Variants in NBPF12 observed in about 807,000 individuals in gnomAD.
The protein encoded by NBPF12 is NBPF family member NBPF12.
Under a neutral mutation model 146.4 loss-of-function variants are expected in NBPF12, and 115 were observed. That is an observed-to-expected ratio of 0.79 (90% confidence interval 0.68 to 0.92). The LOEUF (loss-of-function observed/expected upper bound fraction) is 0.92, where lower values mean the gene tolerates loss of function less well. Among genes scored for constraint, NBPF12 ranks in the 40% least tolerant of loss-of-function variants. The pLI is 0.00. For missense variants in NBPF12, 1,205 were observed against 1,326.8 expected (o/e 0.91, Z 1.43); for synonymous variants, 385 against 508.9 (o/e 0.76, Z 3.28).
chr1:146,943,880 A>C (rs1452816861), intron 2 of NBPF12, among the ~76,000 whole-genome samples: 5 of 127,098 alleles, frequency 3.9e-5, no homozygotes, highest in Admixed American at 8.1e-5. Flanking sequence ...CTCTGCCCCC[A>C]TTTCTGTCTC....
intron 2 of NBPF12, among the ~76,000 whole-genome samples, chr1:146,959,290 C>T (rs1655733449): frequency 1.9e-5 from 1 of 51,904 alleles, no homozygotes; most frequent in African/African-American, 8.4e-5. Context: ...CTGGCTAACA[C>T]AGTGAAACCC....
exon 13 of NBPF12, chr1:146,971,220 G>C: frequency 6.2e-7 from 1 of 1,611,888 alleles, no homozygotes; most frequent in Non-Finnish European, 8.5e-7. Context: ...AGTCCCTGAG[G>C]ACTCACTGGA....
chr1:146,939,750 G>A (rs1445782720), intron 1 of NBPF12, among the ~76,000 whole-genome samples: 3 of 151,980 alleles, frequency 2.0e-5, no homozygotes, highest in African/African-American at 4.8e-5. Context: ...TTAAGAGGCC[G>A]ACGCGGGCGG....
chr1:146,970,145 G>C (rs1341909397), intron 11 of NBPF12, among the ~76,000 whole-genome samples: 1 of 150,726 alleles, frequency 6.6e-6, no homozygotes, highest in Non-Finnish European at 1.5e-5. Context: ...GCATTTGGTG[G>C]TAGGAAGTGC....
At chr1:146,984,519 C>A (rs1657603880) in intron 21 of NBPF12, among the ~76,000 whole-genome samples, 1 of 150,414 alleles carries the variant, frequency 6.6e-6, no homozygotes, top group Admixed American at 6.6e-5. Flanking sequence ...AGCACAAATA[C>A]AGAGTGTCCT....
intron 19 of NBPF12, among the ~76,000 whole-genome samples, chr1:146,979,320 T>G (rs1308119080): frequency 5.7e-5 from 4 of 69,950 alleles, no homozygotes; most frequent in Non-Finnish European, 1.0e-4. Context: ...TCTATCTCCT[T>G]GAGTTCTGCT....
At chr1:146,994,819 C>G (rs1354359895) in exon 34 of NBPF12, 18 of 765,460 alleles carry the variant, frequency 2.4e-5, no homozygotes, top group Non-Finnish European at 3.2e-5. Context: ...ATCAGCCGGA[C>G]ATTTTAATTT....
rs1244124738 is a variant in NBPF12, at chr1:146,969,542, C to T, written c.1252C>T (p.Gln418Ter). The T allele has an allele frequency of 7.9e-5, 124 of 1,563,536 alleles. No individual in the cohort carries two copies. The highest frequency in any genetic ancestry group is 9.0e-5 in the Non-Finnish European group (103 of 1,140,678). ...GTCCCAGGGGCAGGACCTCCAAGAA[C>T]AGCTGGCTGAGGGGTGTAGACTGGC... Residue 418 changes from glutamine (Q) to a stop codon, truncating the protein, a stop_gained, in exon 11 of 34, where the codon CAG becomes TAG. Coordinates refer to ENST00000617844, the Ensembl canonical transcript of NBPF12. LOFTEE classifies it high-confidence loss of function.
intron 1 of NBPF12, among the ~76,000 whole-genome samples, chr1:146,940,733 A>C (rs1654761902): frequency 2.0e-5 from 3 of 152,100 alleles, no homozygotes; most frequent in Non-Finnish European, 4.4e-5. Context: ...AAAGTGTTTT[A>C]TCAGGTAGCA....
rs1166124766 is a variant in NBPF12 at position 146,967,022 on chromosome 1, G to T, written c.988+349G>T. ...GCAGACAAATAACATCTAGTCTGTT[G>T]TTCTAAATATCTGAGACTAGTGAAC... On this transcript the variant is annotated intron_variant, in intron 9 of 33. Transcript: ENST00000617844. Among the ~76,000 whole-genome samples, 1,232 of 151,348 alleles carry T rather than the reference G, an allele frequency of 8.1e-3. 8 individuals carry two copies. The highest frequency in any genetic ancestry group is 0.014 in the Non-Finnish European group (968 of 68,030).
chr1:146,972,791 G>T, exon 14 of NBPF12: 2 of 1,290,734 alleles, frequency 1.5e-6, no homozygotes, highest in Admixed American at 1.7e-5. Context: ...TCAGCATGGT[G>T]GTATCAGCCG....
chr1:146,947,735 C>T (rs2101817180), upstream of NBPF12, among the ~76,000 whole-genome samples: 1 of 146,240 alleles, frequency 6.8e-6, no homozygotes, highest in Non-Finnish European at 1.5e-5. Flanking sequence ...TTACATTTTC[C>T]TGTGTTTGGG....
At chr1:146,972,430 A>T (rs1559524025) in intron 13 of NBPF12, among the ~76,000 whole-genome samples, 1 of 151,544 alleles carries the variant, frequency 6.6e-6, no homozygotes, top group East Asian at 1.9e-4. Context: ...AAAAAAATTA[A>T]AAAAGCAAAA....
chr1:146,984,778 C>G (rs1481578316), intron 21 of NBPF12, 35 bp from the exon 25 acceptor site: 6 of 1,057,740 alleles, frequency 5.7e-6, no homozygotes, highest in Admixed American at 1.7e-5. Flanking sequence ...TCTGATTCCC[C>G]CTGGCTTATT....
chr1:146,994,561 A>T (rs782432977), exon 34 of NBPF12: 7 of 1,609,344 alleles, frequency 4.3e-6, no homozygotes, highest in East Asian at 4.5e-5. Flanking sequence ...GATGGGAGTC[A>T]TATTCCCACA....
At chr1:146,980,737 C>A (rs1182563863) in intron 19 of NBPF12, among the ~76,000 whole-genome samples, 1 of 148,894 alleles carries the variant, frequency 6.7e-6, no homozygotes, top group African/African-American at 2.5e-5. Flanking sequence ...CCTCAGGGAT[C>A]TAGAACTAGA....
chr1:146,948,273 G>A (rs1354353557), upstream of NBPF12, among the ~76,000 whole-genome samples: 1 of 151,874 alleles, frequency 6.6e-6, no homozygotes, highest in African/African-American at 2.4e-5. Flanking sequence ...GCCTCTCAAA[G>A]TGCTAGGATT....
chr1:146,974,208 G>A (rs1435393966), intron 14 of NBPF12, among the ~76,000 whole-genome samples: 1 of 147,882 alleles, frequency 6.8e-6, no homozygotes, highest in Non-Finnish European at 1.5e-5. Context: ...GCCTTATGGT[G>A]TTATGTGTCA....
chr1:146,968,809 A>G (rs1450022065), intron 10 of NBPF12, among the ~76,000 whole-genome samples: 1 of 151,600 alleles, frequency 6.6e-6, no homozygotes, highest in Admixed American at 6.6e-5. Flanking sequence ...ACACAAAATT[A>G]ACCAAAGGAG....
Sources: allele counts gnomAD v4.1 joint callset (sites outside exome capture counted in the v4.1 genomes callset), GRCh38; gene constraint gnomAD v4.1.1; transcripts MANE v1.5; gene names NCBI Gene and HGNC (gene_info 2026-07-23, HGNC 2026-07-21).